The following BBS10 variants were observed in gnomAD, a reference collection of about 807,000 sequenced individuals.
The protein encoded by BBS10 is Bardet-Biedl syndrome 10, also known as BBSome complex assembly protein BBS10.
In BBS10, 13 loss-of-function variants were observed where a neutral mutation model predicts 12.7. That is an observed-to-expected ratio of 1.03 (90% CI 0.67 to 1.63). The LOEUF (loss-of-function observed/expected upper bound fraction) is 1.63. Ranked by LOEUF, BBS10 falls within the 40% of genes most tolerant of loss-of-function variation. BBS10 has a pLI of 0.00. For missense variants in BBS10, 858 were observed against 858.0 expected (o/e 1.00, Z 0.00); for synonymous variants, 294 against 304.8 (o/e 0.96, Z 0.37).
In BBS10 at chr12:76,347,060, G is replaced by A. The variant is rs2136090757; in HGVS notation, c.925C>T (p.Leu309Phe). 1 of 1,613,160 alleles carries A rather than the reference G, an allele frequency of 6.2e-7. No homozygotes were observed. Among genetic ancestry groups the A allele is most frequent in the South Asian group, 1.1e-5 (1 of 91,078 alleles). Reference sequence around the variant, plus strand: ...TCTGGTTGTTTCACACTAGATATGAGCAATTTTACATTCTGACTATGTAGA... The same window carrying A: ...TCTGGTTGTTTCACACTAGATATGAACAATTTTACATTCTGACTATGTAGA... ...KHLHSQNVKL[L>F]ISSVKQPDLV... The change falls in exon 2 of 2, where the codon CTC (leucine) becomes TTC (phenylalanine). Residue 309 changes from leucine (L) to phenylalanine (F), a missense_variant. Physicochemically the swap from Leu to Phe is conservative, Grantham distance 22. Coordinates refer to ENST00000650064, the MANE Select transcript of BBS10 (RefSeq NM_024685.4).
At position 76,347,078 on chromosome 12, in the gene BBS10, T is replaced by C; in HGVS notation, c.907A>G (p.Ser303Gly). ...KTKAIMKHLH[S>G]QNVKLLISSV... ...GATATGAGCAATTTTACATTCTGAC[T>C]ATGTAGATGTTTCATTATTGCTTTT... Residue 303 changes from serine (S) to glycine (G), a missense_variant, in exon 2 of 2, where the codon AGT becomes GGT. Transcript: ENST00000650064. The C allele has an allele frequency of 6.2e-7, 1 of 1,613,232 alleles. No homozygotes were observed.
chr12:76,347,197 G>A lies in BBS10; in HGVS notation c.788C>T (p.Thr263Ile), dbSNP rs746826888. 2.5e-6 allele frequency: 4 copies of A among 1,611,284 alleles called. No individual in the cohort carries two copies. In the South Asian group the frequency reaches 3.3e-5, roughly 13 times the overall value. The change falls in exon 2 of 2, where the codon ACC becomes ATC. Residue 263 changes from threonine to isoleucine, a missense_variant. Coordinates refer to ENST00000650064, the MANE Select transcript of BBS10 (RefSeq NM_024685.4). ...AGAAGTGGAAAAAAGAGGCTGAATG[G>A]TTTCTGTTACTATCACCATTCGCAT... ...GDMRMVIVTE[T>I]IQPLFSTSGS...
In BBS10 at chr12:76,344,580, A is replaced by T. The variant is rs1235577304; in HGVS notation, c.*1233T>A. Reference sequence around the variant, plus strand: ...ATGCATCATATAGCATAAATGTTTAAAAAATCAGAATTACATTTAATATAA... The same window carrying T: ...ATGCATCATATAGCATAAATGTTTATAAAATCAGAATTACATTTAATATAA... On this transcript the variant is annotated 3_prime_UTR_variant, in exon 2 of 2. Transcript: ENST00000650064. The T allele has an allele frequency of 6.6e-6, 1 of 152,222 alleles. No homozygotes were observed. The highest frequency in any genetic ancestry group is 2.4e-5 in the African/African-American group (1 of 41,474). 9.4% of individuals were successfully genotyped at this position (152,222 alleles called of 1,614,324 possible). A position where few individuals can be genotyped will look rare whatever the true frequency, so the allele number is the denominator to read the frequency against.
chr12:76,345,529 C>G lies in BBS10; in HGVS notation c.*284G>C. On this transcript the variant is annotated 3_prime_UTR_variant, in exon 2 of 2. Transcript: ENST00000650064. ...GTAAAAAGGAGCTATAAAGAAAAAC[C>G]CTCCCCTAAACACATAGGCTAACAC... is the stretch of plus-strand genomic sequence containing the variant. 3.0e-6 allele frequency: 1 copy of G among 334,020 alleles called. No homozygotes were observed. Among genetic ancestry groups the G allele is most frequent in the South Asian group, 3.6e-5 (1 of 27,868 alleles). 20.7% of individuals were successfully genotyped at this position (334,020 alleles called of 1,614,324 possible).
chr12:76,345,997 T>C lies in BBS10; in HGVS notation c.1988A>G (p.His663Arg), dbSNP rs780356114. The change falls in exon 2 of 2, where the codon CAT becomes CGT. Residue 663 changes from histidine (H) to arginine (R), a missense_variant. By Grantham distance (29) the His-to-Arg change is conservative. Transcript: ENST00000650064. ...CAAGGGTTGATTGGTTTGCAGTGCA[T>C]GGACAGCTCTTATATATGTATGTGG... is the stretch of plus-strand genomic sequence containing the variant. ...SFPHTYIRAV[H>R]ALQTNQPLVS... The C allele has an allele frequency of 6.2e-7, 1 of 1,614,078 alleles. No homozygotes were observed. Among genetic ancestry groups the C allele is most frequent in the Non-Finnish European group, 8.5e-7 (1 of 1,179,944 alleles).
Position 76,347,251 on chromosome 12 carries a change from A to G in BBS10, c.734T>C (p.Phe245Ser). The G allele has an allele frequency of 6.2e-7, 1 of 1,613,244 alleles. No homozygotes were observed. Among genetic ancestry groups the G allele is most frequent in the Non-Finnish European group, 8.5e-7 (1 of 1,180,010 alleles). The change falls in exon 2 of 2, where the codon TTT becomes TCT. Residue 245 changes from phenylalanine to serine, a missense_variant. Coordinates refer to ENST00000650064, the MANE Select transcript of BBS10 (RefSeq NM_024685.4). ...IIAGLVLQKDFSVYRPADGDM... is the reference protein window; with the variant it reads ...IIAGLVLQKDSSVYRPADGDM... ...ACCATCTGCTGGGCGGTACACAGAA[A>G]AATCTTTCTGAAGCACAAGACCAGC...
chr12:76,347,553 A>T lies in BBS10; in HGVS notation c.432T>A (p.Ile144=), dbSNP rs1312231720. The change falls in exon 2 of 2, where the codon ATT becomes ATA. Residue 144 remains isoleucine, a synonymous_variant. Transcript: ENST00000650064. The stretch of plus-strand genomic sequence containing the variant: ...AGTGTCTACTTAGGTACTGGTCCAT[A>T]ATACCGTCTAATATTTGTGTCTGAA... The part of the protein sequence containing the change: ...LTFQTQILDG[I]MDQYLSRHFL... 6.2e-7 allele frequency: 1 copy of T among 1,613,776 alleles called. No individual in the cohort carries two copies. The highest frequency in any genetic ancestry group is 1.7e-5 in the Admixed American group (1 of 60,010).
chr12:76,345,123 C>T lies in BBS10; in HGVS notation c.*690G>A, dbSNP rs1043182834. On this transcript the variant is annotated 3_prime_UTR_variant, in exon 2 of 2. Transcript: ENST00000650064. ...CCTTTCTAGTATTAACCTTTTACTACAGAAATGAAAGAGTTAACAATGCAC... is the reference window on the plus strand; with the variant it reads ...CCTTTCTAGTATTAACCTTTTACTATAGAAATGAAAGAGTTAACAATGCAC... The T allele has an allele frequency of 2.0e-5, 3 of 152,032 alleles. No individual in the cohort carries two copies. Among genetic ancestry groups the T allele is most frequent in the Non-Finnish European group, 4.4e-5 (3 of 67,954 alleles). The allele number at this position is 152,032 out of a possible 1,614,324, so 9.4% of individuals were successfully genotyped here.
chr12:76,344,519 C>T lies in BBS10; in HGVS notation c.*1294G>A, dbSNP rs368516705. 14 of 151,898 alleles carry T rather than the reference C, an allele frequency of 9.2e-5. No homozygotes were observed. The highest frequency in any genetic ancestry group is 3.9e-4 in the East Asian group (2 of 5,188). 9.4% of individuals were successfully genotyped at this position (151,898 alleles called of 1,614,324 possible). The stretch of plus-strand genomic sequence containing the variant: ...TTCATCCATGAATTCAGCAAAAGAG[C>T]TAATTTATTCTCTCCATATTCACAG... On this transcript the variant is annotated 3_prime_UTR_variant, in exon 2 of 2. Coordinates refer to ENST00000650064, the MANE Select transcript of BBS10 (RefSeq NM_024685.4).
chr12:76,345,840 GTGAA>G lies in BBS10; in HGVS notation c.2141_2144del (p.Val714AlafsTer15), dbSNP rs1951753045. On this transcript the variant is annotated frameshift_variant, in exon 2 of 2. Transcript: ENST00000650064. LOFTEE classifies it high-confidence loss of function. Reference sequence around the variant, plus strand: ...ATAGTTCATCTTCTGAATCTTGATTGTGAACTTTCTGAGGGTGTCTCTTAACAGT... The same window carrying G: ...ATAGTTCATCTTCTGAATCTTGATTGCTTTCTGAGGGTGTCTCTTAACAGT... The G allele has an allele frequency of 6.2e-7, 1 of 1,613,572 alleles. No individual in the cohort carries two copies. Among genetic ancestry groups the G allele is most frequent in the East Asian group, 2.2e-5 (1 of 44,882 alleles).
chr12:76,347,061 C>A lies in BBS10; in HGVS notation c.924G>T (p.Leu308Phe). The A allele has an allele frequency of 1.9e-6, 3 of 1,613,228 alleles. No individual in the cohort carries two copies. The highest frequency in any genetic ancestry group is 2.5e-6 in the Non-Finnish European group (3 of 1,179,932). Residue 308 changes from leucine to phenylalanine, a missense_variant, in exon 2 of 2, where the codon TTG becomes TTT. Coordinates refer to ENST00000650064, the MANE Select transcript of BBS10 (RefSeq NM_024685.4). ...CTGGTTGTTTCACACTAGATATGAG[C>A]AATTTTACATTCTGACTATGTAGAT... ...MKHLHSQNVK[L>F]LISSVKQPDL...
Position 76,347,107 on chromosome 12 carries a change from T to C in BBS10, c.878A>G (p.Lys293Arg). 6.2e-7 allele frequency: 1 copy of C among 1,612,608 alleles called. No individual in the cohort carries two copies. Reference sequence around the variant, plus strand: ...TAGATGTTTCATTATTGCTTTTGTCTTTTCCATAATCCAAAATTGAGATGT... The same window carrying C: ...TAGATGTTTCATTATTGCTTTTGTCCTTTCCATAATCCAAAATTGAGATGT... ...FQTSQFWIME[K>R]TKAIMKHLHS... The change falls in exon 2 of 2, where the codon AAG (lysine) becomes AGG (arginine). Residue 293 changes from lysine (K) to arginine (R), a missense_variant. Physicochemically the swap from Lys to Arg is conservative, Grantham distance 26. Transcript: ENST00000650064.
chr12:76,346,413 T>A lies in BBS10; in HGVS notation c.1572A>T (p.Thr524=). Residue 524 remains threonine (T), a synonymous_variant, in exon 2 of 2, where the codon ACA becomes ACT. Coordinates refer to ENST00000650064, the MANE Select transcript of BBS10 (RefSeq NM_024685.4). ...TDTFQTVETL[T]CLSLERNRLT... The stretch of plus-strand genomic sequence containing the variant: ...GCCTGTTTCTTTCCAAAGACAAACA[T>A]GTCAGCGTTTCAACTGTTTGGAATG... The A allele has an allele frequency of 6.2e-7, 1 of 1,614,138 alleles. No individual in the cohort carries two copies. Among genetic ancestry groups the A allele is most frequent in the Non-Finnish European group, 8.5e-7 (1 of 1,179,976 alleles).
At position 76,346,307 on chromosome 12, in the gene BBS10, CG is replaced by C. The variant is rs1555202584; in HGVS notation, c.1677del (p.Tyr559Ter). Reference protein sequence around the residue: ...STRGNRIEISYENLQVTNITR... With the variant: ...STRGNRIEISXENLQVTNITR... ...GTAATATTTGTGACCTGTAAATTTTCGTAAGAAATTTCTATTCTATTTCCCC... is the reference window on the plus strand; with the variant it reads ...GTAATATTTGTGACCTGTAAATTTTCTAAGAAATTTCTATTCTATTTCCCC... On this transcript the variant is annotated frameshift_variant, in exon 2 of 2. Coordinates refer to ENST00000650064, the MANE Select transcript of BBS10 (RefSeq NM_024685.4). LOFTEE classifies it low-confidence loss of function (END_TRUNC). 4.3e-6 allele frequency: 7 copies of C among 1,613,630 alleles called. No homozygotes were observed. The Admixed American group carries it at 6.7e-5, about 15-fold the overall frequency.
rs886049851 is a variant in BBS10, at chr12:76,347,304, G to A, written c.681C>T (p.Gly227=). 2.5e-6 allele frequency: 4 copies of A among 1,613,754 alleles called. No homozygotes were observed. The highest frequency in any genetic ancestry group is 3.4e-6 in the Non-Finnish European group (4 of 1,180,018). The change falls in exon 2 of 2, where the codon GGC becomes GGT. Residue 227 remains glycine (G), a synonymous_variant. Coordinates refer to ENST00000650064, the MANE Select transcript of BBS10 (RefSeq NM_024685.4). ...HFVELNVGVT[G]LPVSDSRIIA... ...TGATCCTGGAATCTGAAACAGGAAG[G>A]CCAGTGACACCAACATTCAACTCTA...
Position 76,347,025 on chromosome 12 carries a change from A to C in BBS10, c.960T>G (p.Ser320Arg). Residue 320 changes from serine (S) to arginine (R), a missense_variant, in exon 2 of 2, where the codon AGT (serine) becomes AGG (arginine). Transcript: ENST00000650064. ...ISSVKQPDLV[S>R]YYAGVNGISV... Reference sequence around the variant, plus strand: ...ATATGCCATTCACCCCTGCATAATAACTAACTAAATCTGGTTGTTTCACAC... The same window carrying C: ...ATATGCCATTCACCCCTGCATAATACCTAACTAAATCTGGTTGTTTCACAC... The C allele has an allele frequency of 6.2e-7, 1 of 1,612,874 alleles. No homozygotes were observed. The highest frequency in any genetic ancestry group is 8.5e-7 in the Non-Finnish European group (1 of 1,179,994).
At position 76,346,774 on chromosome 12, in the gene BBS10, T is replaced by C. The variant is rs964776134; in HGVS notation, c.1211A>G (p.His404Arg). ...ATCCTCATGTTGTTCAATGAGACCA[T>C]GCACTGGTCCACAAAGAACTATAGA... ...PHSIVLCGPV[H>R]GLIEQHEDAL... Residue 404 changes from histidine (H) to arginine (R), a missense_variant, in exon 2 of 2, where the codon CAT becomes CGT. By Grantham distance (29) the His-to-Arg change is conservative. Coordinates refer to ENST00000650064, the MANE Select transcript of BBS10 (RefSeq NM_024685.4). 5 of 1,614,180 alleles carry C rather than the reference T, an allele frequency of 3.1e-6. No individual in the cohort carries two copies. In the South Asian group the frequency reaches 4.4e-5, roughly 14 times the overall value.
Position 76,346,336 on chromosome 12 carries a change from G to C in BBS10, c.1649C>G (p.Thr550Arg). The part of the protein sequence containing the change: ...LLKNNSTAYS[T>R]RGNRIEISYE... ...AGAAATTTCTATTCTATTTCCCCTT[G>C]TTGAATAAGCAGTGGAATTGTTCTT... The change falls in exon 2 of 2, where the codon ACA (threonine) becomes AGA (arginine). Residue 550 changes from threonine to arginine, a missense_variant. Transcript: ENST00000650064. 6.2e-7 allele frequency: 1 copy of C among 1,613,860 alleles called. No homozygotes were observed. Among genetic ancestry groups the C allele is most frequent in the Non-Finnish European group, 8.5e-7 (1 of 1,179,896 alleles).
At position 76,348,349 on chromosome 12, in the gene BBS10, A is replaced by G; in HGVS notation, c.10T>C (p.Ser4Pro). 1 of 1,589,662 alleles carries G rather than the reference A, an allele frequency of 6.3e-7. No homozygotes were observed. Among genetic ancestry groups the G allele is most frequent in the Non-Finnish European group, 8.6e-7 (1 of 1,167,612 alleles). The change falls in exon 1 of 2, where the codon TCT (serine) becomes CCT (proline). Residue 4 changes from serine (S) to proline (P), a missense_variant. Physicochemically the swap from Ser to Pro is moderately conservative, Grantham distance 74 (BLOSUM62 -1). Transcript: ENST00000650064. Reference protein sequence around the residue: MLSSMAAAGSVKAA... With the variant: MLSPMAAAGSVKAA... Reference sequence around the variant, plus strand: ...TTCACAGACCCTGCAGCGGCCATAGAACTTAACATATCTGGGCCGCTTCCC... The same window carrying G: ...TTCACAGACCCTGCAGCGGCCATAGGACTTAACATATCTGGGCCGCTTCCC...
Sources: gnomAD v4.1 joint callset for allele counts on GRCh38, gnomAD v4.1.1 for gene constraint, MANE v1.5 for transcripts, NCBI Gene and HGNC (gene_info 2026-07-23, HGNC 2026-07-21) for gene names.